The following ZNF804B variants were observed in gnomAD, a reference collection of about 807,000 sequenced individuals.
ZNF804B encodes zinc finger 804B.
In ZNF804B, 80 loss-of-function variants were observed where a neutral mutation model predicts 101.4. That is an observed-to-expected ratio of 0.79 (90% CI 0.66 to 0.95). The LOEUF (loss-of-function observed/expected upper bound fraction) is 0.95, where lower values mean the gene tolerates loss of function less well. Ranked by LOEUF, ZNF804B falls within the 40% of genes least tolerant of loss-of-function variation. The pLI, the probability that ZNF804B is intolerant of heterozygous loss-of-function variation, is 0.00. For missense variants in ZNF804B, 1,673 were observed against 1,561.9 expected, an observed-to-expected ratio of 1.07 and a Z score of -1.20; for synonymous variants, 622 against 558.8, an observed-to-expected ratio of 1.11 and a Z score of -1.59.
At chr7:88,992,376 A>G (rs1793860132) in intron 1 of ZNF804B, among the ~76,000 whole-genome samples, 1 of 152,128 alleles carries the variant, frequency 6.6e-6, no homozygotes, top group Admixed American at 6.6e-5. Context: ...CTACCCATCT[A>G]GATTACATTA....
intron 1 of ZNF804B, among the ~76,000 whole-genome samples, chr7:88,770,152 A>G (rs1790041148): frequency 6.6e-6 from 1 of 152,176 alleles, no homozygotes; most frequent in African/African-American, 2.4e-5. Flanking sequence ...TCACTATGGT[A>G]GGCAGATTAA....
At chr7:89,133,165 T>G (rs2116382422) in intron 1 of ZNF804B, among the ~76,000 whole-genome samples, 1 of 152,142 alleles carries the variant, frequency 6.6e-6, no homozygotes, top group East Asian at 1.9e-4. Flanking sequence ...TGGAGGCTGT[T>G]GGAATACTCT....
At chr7:89,269,140 T>A (rs1789844315) in intron 2 of ZNF804B, among the ~76,000 whole-genome samples, 1 of 152,192 alleles carries the variant, frequency 6.6e-6, no homozygotes, top group South Asian at 2.1e-4. Context: ...TGTATACATG[T>A]GCCATGTTGG....
intron 1 of ZNF804B, among the ~76,000 whole-genome samples, chr7:89,082,039 T>C (rs1789704918): frequency 6.6e-6 from 1 of 151,788 alleles, no homozygotes; most frequent in Admixed American, 6.6e-5. Flanking sequence ...TTTATTTTTC[T>C]GCTTATAATT....
intron 1 of ZNF804B, among the ~76,000 whole-genome samples, chr7:88,824,866 T>C (rs1394703463): frequency 1.3e-5 from 2 of 152,172 alleles, no homozygotes; most frequent in African/African-American, 4.8e-5. Context: ...GTAGTAATGA[T>C]CAAACAGGTC....
At chr7:89,045,440 A>G (rs1403648537) in intron 1 of ZNF804B, among the ~76,000 whole-genome samples, 1 of 152,194 alleles carries the variant, frequency 6.6e-6, no homozygotes, top group Non-Finnish European at 1.5e-5. Context: ...ATCCACTGAC[A>G]GCTTGCACCA....
chr7:89,336,299 A>G lies in ZNF804B; in HGVS notation c.3317A>G (p.His1106Arg). 1.9e-6 allele frequency: 3 copies of G among 1,613,920 alleles called. No individual in the cohort carries two copies. Among genetic ancestry groups the G allele is most frequent in the African/African-American group, 1.3e-5 (1 of 75,038 alleles). ...INLDLQDVSMHINHVEGNINS... is the reference protein window; with the variant it reads ...INLDLQDVSMRINHVEGNINS... Reference sequence around the variant, plus strand: ...CTAGACTTACAGGATGTAAGCATGCATATAAATCATGTAGAGGGAAATATA... The same window carrying G: ...CTAGACTTACAGGATGTAAGCATGCGTATAAATCATGTAGAGGGAAATATA... Residue 1106 changes from histidine (H) to arginine (R), a missense_variant, in exon 4 of 4, where the codon CAT becomes CGT. Physicochemically the swap from His to Arg is conservative, Grantham distance 29. Transcript: ENST00000333190.
intron 1 of ZNF804B, among the ~76,000 whole-genome samples, chr7:88,818,044 C>T (rs1790913459): frequency 6.6e-6 from 1 of 152,124 alleles, no homozygotes; most frequent in Non-Finnish European, 1.5e-5. Context: ...ATTTCTCAGG[C>T]ACTGGAGCAG....
At chr7:89,321,900 A>G (rs1269856976) in intron 2 of ZNF804B, among the ~76,000 whole-genome samples, 1 of 152,198 alleles carries the variant, frequency 6.6e-6, no homozygotes, top group East Asian at 1.9e-4. Context: ...AAGAGATATG[A>G]CAGTACTAAT....
At chr7:88,967,775 C>T (rs1584044379) in intron 1 of ZNF804B, among the ~76,000 whole-genome samples, 1 of 145,182 alleles carries the variant, frequency 6.9e-6, no homozygotes, top group Non-Finnish European at 1.5e-5. Context: ...GGAACTTTAA[C>T]ACGAGAAAAT....
At chr7:88,850,701 T>C (rs1791439976) in intron 1 of ZNF804B, among the ~76,000 whole-genome samples, 1 of 152,014 alleles carries the variant, frequency 6.6e-6, no homozygotes, top group African/African-American at 2.4e-5. Flanking sequence ...TCAATAATAT[T>C]TATAGAAAAA....
intron 1 of ZNF804B, among the ~76,000 whole-genome samples, chr7:89,097,402 A>G (rs1260424453): frequency 6.6e-6 from 1 of 152,250 alleles, no homozygotes; most frequent in Non-Finnish European, 1.5e-5. Flanking sequence ...AATTGAAATC[A>G]GAGAAAATAA....
chr7:89,233,992 A>G (rs546167750), intron 2 of ZNF804B, among the ~76,000 whole-genome samples: 86 of 152,310 alleles, frequency 5.6e-4, no homozygotes, highest in African/African-American at 1.3e-3. Flanking sequence ...ATTTTCCACA[A>G]TGGAGTGTGA....
At chr7:89,005,419 A>G (rs1788358881) in intron 1 of ZNF804B, among the ~76,000 whole-genome samples, 1 of 152,086 alleles carries the variant, frequency 6.6e-6, no homozygotes, top group Non-Finnish European at 1.5e-5. Context: ...GTCAAAGGTT[A>G]TAGAACATTT....
At chr7:88,869,721 GA>G (rs986963689) in intron 1 of ZNF804B, among the ~76,000 whole-genome samples, 2 of 152,114 alleles carry the variant, frequency 1.3e-5, no homozygotes, top group Non-Finnish European at 1.5e-5. Flanking sequence ...ATGTCTCAAA[GA>G]TAAGGAACCC....
chr7:88,835,713 A>AAT (rs1226035019), intron 1 of ZNF804B, among the ~76,000 whole-genome samples: 1 of 151,934 alleles, frequency 6.6e-6, no homozygotes, highest in East Asian at 1.9e-4. Context: ...AACTATGTAG[A>AAT]ATGTGTGTGT....
chr7:89,012,827 C>T (rs190006940), intron 1 of ZNF804B, among the ~76,000 whole-genome samples: 1 of 152,264 alleles, frequency 6.6e-6, no homozygotes, highest in Non-Finnish European at 1.5e-5. Context: ...CTCCCAGTAC[C>T]AATTTTCTGT....
At chr7:89,088,817 C>T (rs1789842791) in intron 1 of ZNF804B, among the ~76,000 whole-genome samples, 1 of 151,636 alleles carries the variant, frequency 6.6e-6, no homozygotes. Flanking sequence ...AAATGGGAGG[C>T]AGTTGATGTT....
chr7:89,276,787 A>G (rs1789987804), intron 2 of ZNF804B, among the ~76,000 whole-genome samples: 1 of 151,856 alleles, frequency 6.6e-6, no homozygotes, highest in South Asian at 2.1e-4. Flanking sequence ...CAACTATATC[A>G]TTTTAAACTT....
Sources: gnomAD v4.1 joint callset for allele counts (sites outside exome capture counted in the v4.1 genomes callset) on GRCh38, gnomAD v4.1.1 for gene constraint, MANE v1.5 for transcripts, NCBI Gene and HGNC (gene_info 2026-07-23, HGNC 2026-07-21) for gene names.